The following ZGRF1 variants were observed in gnomAD, a reference collection of about 807,000 sequenced individuals.
ZGRF1 encodes the protein zinc finger GRF-type containing 1, also known as 5'-3' DNA helicase ZGRF1.
ZGRF1 carries 196 observed loss-of-function variants against 203.5 expected under a neutral mutation model. The ratio of observed to expected loss-of-function variants is 0.96; its 90% CI spans 0.86 to 1.08. The LOEUF (loss-of-function observed/expected upper bound fraction) is 1.08, where lower values mean the gene tolerates loss of function less well. Among genes scored for constraint, ZGRF1 ranks in the 50% least tolerant of loss-of-function variants. The pLI, the probability that ZGRF1 is intolerant of heterozygous loss-of-function variation, is 0.00. For synonymous variants in ZGRF1, 809 were observed against 841.3 expected (o/e 0.96, Z 0.66); for missense variants, 2,326 against 2,416.3 (o/e 0.96, Z 0.78).
intron 2 of ZGRF1, among the ~76,000 whole-genome samples, chr4:112,632,796 G>A (rs2047454616): frequency 1.3e-5 from 2 of 152,166 alleles, no homozygotes; most frequent in African/African-American, 4.8e-5. Flanking sequence ...GAAGACGGAT[G>A]CCAGTTCTTC....
chr4:112,626,846 C>G (rs1007344602), intron 3 of ZGRF1, among the ~76,000 whole-genome samples: 1 of 152,054 alleles, frequency 6.6e-6, no homozygotes, highest in African/African-American at 2.4e-5. Flanking sequence ...TGCTCTATTG[C>G]TCAAGCTACA....
intron 19 of ZGRF1, 149 bp from the exon 20 acceptor site, chr4:112,558,458 C>G: frequency 1.7e-6 from 1 of 576,130 alleles, no homozygotes; most frequent in Non-Finnish European, 2.7e-6. Context: ...ACCTCCACCT[C>G]CCAGGTTCAA....
At chr4:112,582,288 CTTTTT>C (rs34363128) in intron 15 of ZGRF1, among the ~76,000 whole-genome samples, 1 of 142,100 alleles carries the variant, frequency 7.0e-6, no homozygotes, top group African/African-American at 2.6e-5. Flanking sequence ...TACTGTATTC[CTTTTT>C]TTTTTTTTTT....
intron 8 of ZGRF1, among the ~76,000 whole-genome samples, chr4:112,607,628 A>C (rs1465511162): frequency 6.6e-6 from 1 of 152,200 alleles, no homozygotes; most frequent in Non-Finnish European, 1.5e-5. Context: ...GTTGTTTCAG[A>C]GAGTTGTAGT....
At chr4:112,632,488 T>A (rs76959297) in intron 2 of ZGRF1, among the ~76,000 whole-genome samples, 1 of 152,198 alleles carries the variant, frequency 6.6e-6, no homozygotes, top group Non-Finnish European at 1.5e-5. Context: ...ACTATTTTCA[T>A]GATGCTGTCT....
chr4:112,573,434 G>T (rs996336358), intron 16 of ZGRF1, among the ~76,000 whole-genome samples: 1 of 152,070 alleles, frequency 6.6e-6, no homozygotes, highest in Admixed American at 6.6e-5. Flanking sequence ...AGGATAAAAA[G>T]ACTACAAATT....
intron 19 of ZGRF1, among the ~76,000 whole-genome samples, chr4:112,559,484 G>C (rs1741538165): frequency 6.6e-6 from 1 of 152,148 alleles, no homozygotes; most frequent in Admixed American, 6.5e-5. Context: ...ACAGGTGTGA[G>C]GCCAAGCAAT....
At position 112,614,864 on chromosome 4, in the gene ZGRF1, T is replaced by C. The variant is rs2046814703; in HGVS notation, c.2603-2276A>G. 2.0e-5 allele frequency among the ~76,000 whole-genome samples: 3 copies of C among 151,862 alleles called. No individual in the cohort carries two copies. The South Asian group carries it at 6.2e-4, about 31-fold the overall frequency. On this transcript the variant is annotated intron_variant, in intron 6 of 27. Transcript: ENST00000505019. ...GTCCCCTAAGAATAGTGCTATCTAG[T>C]GTTCCCAAGGGCAAGAAGACTGTGA... is the stretch of plus-strand genomic sequence containing the variant.
chr4:112,631,711 G>A (rs1006464242), intron 3 of ZGRF1, among the ~76,000 whole-genome samples: 38 of 152,106 alleles, frequency 2.5e-4, no homozygotes, highest in African/African-American at 7.5e-4. Flanking sequence ...ACTGTACTGT[G>A]CTACTGGATA....
chr4:112,568,198 T>C (rs1163099279), intron 16 of ZGRF1, among the ~76,000 whole-genome samples: 1 of 151,700 alleles, frequency 6.6e-6, no homozygotes. Context: ...AATAAAGAGA[T>C]AAATAGGAAG....
At position 112,578,519 on chromosome 4, in the gene ZGRF1, C is replaced by T. The variant is rs530520657; in HGVS notation, c.4438+3144G>A. 7.2e-4 allele frequency among the ~76,000 whole-genome samples: 85 copies of T among 118,794 alleles called. 25 individuals are homozygous for T. The Middle Eastern group carries it at 0.015, about 22-fold the overall frequency. 77.9% of individuals were successfully genotyped at this position (118,794 alleles called of 152,430 possible). On this transcript the variant is annotated intron_variant, in intron 16 of 27. Transcript: ENST00000505019. ...GAAAAGATCAACAAAATTGATAGAC[C>T]GCTAGCAAGACTAATAAAGAAGAAA...
rs565299861 is a variant in ZGRF1, at chr4:112,631,013, T to C, written c.102+917A>G. ...TTTGACCCTTGGGCAAGCTACTCCATCTCTCTGTACCCCAGTTTCATCTTC... is the reference window on the plus strand; with the variant it reads ...TTTGACCCTTGGGCAAGCTACTCCACCTCTCTGTACCCCAGTTTCATCTTC... On this transcript the variant is annotated intron_variant, in intron 3 of 27. Coordinates refer to ENST00000505019, the MANE Select transcript of ZGRF1 (RefSeq NM_018392.5). Among the ~76,000 whole-genome samples the C allele has an allele frequency of 9.2e-5, 14 of 152,228 alleles. No individual in the cohort carries two copies. In the South Asian group the frequency reaches 2.7e-3, roughly 29 times the overall value.
At chr4:112,575,267 G>C (rs1553988295) in intron 16 of ZGRF1, among the ~76,000 whole-genome samples, 1 of 152,102 alleles carries the variant, frequency 6.6e-6, no homozygotes, top group Non-Finnish European at 1.5e-5. Context: ...TTTTAATAAA[G>C]TTTTTAAAAA....
intron 16 of ZGRF1, among the ~76,000 whole-genome samples, chr4:112,572,358 A>T (rs1374148785): frequency 1.3e-5 from 2 of 152,210 alleles, no homozygotes; most frequent in African/African-American, 2.4e-5. Flanking sequence ...CATGTGGAGG[A>T]ATGAAATTGG....
At chr4:112,610,939 T>A (rs1364132288) in intron 7 of ZGRF1, 2 of 306,074 alleles carry the variant, frequency 6.5e-6, no homozygotes, top group African/African-American at 2.3e-5. Context: ...CCATTTTTTT[T>A]AACTGGACAC....
intron 22 of ZGRF1, among the ~76,000 whole-genome samples, chr4:112,553,430 C>A (rs544096036): frequency 6.6e-6 from 1 of 152,326 alleles, no homozygotes; most frequent in South Asian, 2.1e-4. Flanking sequence ...TCTTGGAGAG[C>A]ATCAAACACA....
At chr4:112,549,774 T>G (rs927285785) in intron 22 of ZGRF1, among the ~76,000 whole-genome samples, 3 of 151,946 alleles carry the variant, frequency 2.0e-5, no homozygotes, top group African/African-American at 7.3e-5. Flanking sequence ...GTACTCCTAC[T>G]TCTTAAAAAA....
At chr4:112,606,118 T>C (rs1238759340) in intron 8 of ZGRF1, 27 bp from the exon 9 acceptor site, 2 of 1,325,864 alleles carry the variant, frequency 1.5e-6, no homozygotes, top group East Asian at 2.3e-5. Context: ...ATAAGTTATC[T>C]AGTTAGCTAG....
chr4:112,613,582 G>A (rs557202212), intron 6 of ZGRF1, among the ~76,000 whole-genome samples: 1 of 152,110 alleles, frequency 6.6e-6, no homozygotes, highest in Non-Finnish European at 1.5e-5. Context: ...TTTTGATACA[G>A]GAATTAGGAA....
Sources: allele counts gnomAD v4.1 joint callset (sites outside exome capture counted in the v4.1 genomes callset), GRCh38; gene constraint gnomAD v4.1.1; transcripts MANE v1.5; gene names NCBI Gene and HGNC (gene_info 2026-07-23, HGNC 2026-07-21).